The following DLC1 variants were observed in gnomAD, a reference collection of about 807,000 sequenced individuals.
The protein encoded by DLC1 is DLC1 Rho GTPase activating protein, also known as rho GTPase-activating protein 7.
A neutral mutation model predicts 140.3 loss-of-function variants in DLC1; 54 were observed. That is an observed-to-expected ratio of 0.38 (90% CI 0.31 to 0.48). The LOEUF is 0.48. DLC1 is among the 20% of genes least tolerant of loss of function. The pLI is 0.96. For missense variants in DLC1, 2,536 were observed against 1,907.0 expected (o/e 1.33, Z -6.14); for synonymous variants, 986 against 728.1 (o/e 1.35, Z -5.70).
At chr8:13,293,563 T>G (rs1437324837) in intron 5 of DLC1, among the ~76,000 whole-genome samples, 2 of 152,198 alleles carry the variant, frequency 1.3e-5, no homozygotes, top group Admixed American at 1.3e-4. Context: ...CTTGAGCACC[T>G]CCTCTGTGCA....
At chr8:13,420,904 G>A (rs1369118524) in intron 2 of DLC1, among the ~76,000 whole-genome samples, 2 of 152,090 alleles carry the variant, frequency 1.3e-5, no homozygotes, top group East Asian at 3.9e-4. Flanking sequence ...TAAGCCCCAT[G>A]TGGCAGAAAG....
chr8:13,513,461 A>G (rs1005117002), intron 1 of DLC1, among the ~76,000 whole-genome samples: 1 of 152,146 alleles, frequency 6.6e-6, no homozygotes, highest in African/African-American at 2.4e-5. Context: ...ACCTTGTACT[A>G]TATAAAAACT....
At chr8:13,562,650 G>C (rs898747750) in intron 1 of DLC1, among the ~76,000 whole-genome samples, 1 of 152,090 alleles carries the variant, frequency 6.6e-6, no homozygotes, top group Non-Finnish European at 1.5e-5. Flanking sequence ...CCTGTGGAGG[G>C]GGATTTGGAA....
At chr8:13,575,719 G>A (rs1327599478) in intron 1 of DLC1, among the ~76,000 whole-genome samples, 1 of 152,152 alleles carries the variant, frequency 6.6e-6, no homozygotes, top group African/African-American at 2.4e-5. Context: ...TCTCAGGCCT[G>A]TCACCTGAAA....
chr8:13,229,651 AAGAGAGAGAGAGAGAAG>A (rs1464070535), intron 5 of DLC1, among the ~76,000 whole-genome samples: 1 of 150,516 alleles, frequency 6.6e-6, no homozygotes, highest in Non-Finnish European at 1.5e-5. Context: ...GAGAGAGAGA[AAGAGAGAGAGAGAGAAG>A]AGAGAGAGAG....
chr8:13,535,265 T>C (rs1803239270), intron 1 of DLC1, among the ~76,000 whole-genome samples: 1 of 152,088 alleles, frequency 6.6e-6, no homozygotes, highest in South Asian at 2.1e-4. Context: ...GTGTGCTATT[T>C]TTCATAGGTT....
chr8:13,446,920 T>TA (rs1414910139), intron 2 of DLC1, among the ~76,000 whole-genome samples: 2 of 144,574 alleles, frequency 1.4e-5, no homozygotes, highest in African/African-American at 5.2e-5. Context: ...TCAGCCTGGG[T>TA]AACAAAAGTG....
intron 1 of DLC1, among the ~76,000 whole-genome samples, chr8:13,587,563 A>G (rs1805368688): frequency 6.8e-6 from 1 of 146,214 alleles, no homozygotes; most frequent in African/African-American, 2.5e-5. Context: ...ACACACACAC[A>G]CACACAGAGA....
chr8:13,086,496 G>T (rs193140829), intron 16 of DLC1, 33 bp from the exon 17 acceptor site: 2 of 1,600,458 alleles, frequency 1.2e-6, no homozygotes, highest in African/African-American at 2.7e-5. Context: ...AGAAATGATG[G>T]AATTTCATAG....
intron 5 of DLC1, among the ~76,000 whole-genome samples, chr8:13,282,578 C>T (rs1055416156): frequency 6.6e-6 from 1 of 152,066 alleles, no homozygotes; most frequent in African/African-American, 2.4e-5. Context: ...GTTAAAACTT[C>T]AGGGGGAAAT....
chr8:13,584,190 G>A (rs764501438), intron 1 of DLC1: 1 of 153,970 alleles, frequency 6.5e-6, no homozygotes, highest in East Asian at 1.9e-4. Context: ...CCTGTGGCTG[G>A]ATCTAGACAG....
chr8:13,362,982 A>G (rs532939058), intron 4 of DLC1, among the ~76,000 whole-genome samples: 1 of 152,100 alleles, frequency 6.6e-6, no homozygotes, highest in Non-Finnish European at 1.5e-5. Context: ...CTATTCCCTT[A>G]TCACAATGCG....
rs578241777 is a variant in DLC1, at chr8:13,094,652, C to A, written c.3526+107G>T. 10 of 1,334,534 alleles carry A rather than the reference C, an allele frequency of 7.5e-6. No homozygotes were observed. The African/African-American group carries it at 1.6e-4, about 22-fold the overall frequency. The allele number at this position is 1,334,534 out of a possible 1,614,324, so 82.7% of individuals were successfully genotyped here. Reference sequence around the variant, plus strand: ...CTGCACTCCAGCCTGGATGACAGAGCGAGACTCCATCTCAAAAAAAAAAAG... The same window carrying A: ...CTGCACTCCAGCCTGGATGACAGAGAGAGACTCCATCTCAAAAAAAAAAAG... On this transcript the variant is annotated intron_variant, in intron 12 of 17. Coordinates refer to ENST00000276297, the MANE Select transcript of DLC1 (RefSeq NM_182643.3).
chr8:13,486,670 G>A (rs1800982022), intron 2 of DLC1, among the ~76,000 whole-genome samples: 1 of 152,108 alleles, frequency 6.6e-6, no homozygotes, highest in Admixed American at 6.5e-5. Context: ...AACATTCCAT[G>A]AACCTATGAA....
At chr8:13,118,267 T>C (rs1217540075) in intron 5 of DLC1, among the ~76,000 whole-genome samples, 1 of 152,190 alleles carries the variant, frequency 6.6e-6, no homozygotes, top group Non-Finnish European at 1.5e-5. Flanking sequence ...ATAGTCACTC[T>C]TAGGGCCACT....
chr8:13,104,320 A>G (rs949178784), intron 7 of DLC1, among the ~76,000 whole-genome samples: 9 of 148,020 alleles, frequency 6.1e-5, no homozygotes, highest in African/African-American at 2.0e-4. Context: ...AAATTAGGGA[A>G]ATTTAGTTTC....
chr8:13,276,319 A>C (rs1831160610), intron 5 of DLC1: 2 of 1,535,402 alleles, frequency 1.3e-6, no homozygotes, highest in East Asian at 4.9e-5. Flanking sequence ...CTGGCCGTGG[A>C]GTCCCTGATG....
At chr8:13,125,351 C>T (rs566036050) in intron 5 of DLC1, among the ~76,000 whole-genome samples, 13 of 152,214 alleles carry the variant, frequency 8.5e-5, no homozygotes, top group Non-Finnish European at 1.5e-4. Flanking sequence ...CAACACAAAA[C>T]CAATGACGTT....
chr8:13,334,498 G>C (rs1833738880), intron 4 of DLC1, among the ~76,000 whole-genome samples: 1 of 152,164 alleles, frequency 6.6e-6, no homozygotes. Flanking sequence ...AGACTGCGCA[G>C]GCAGGGGAGA....
Sources: allele counts gnomAD v4.1 joint callset (sites outside exome capture counted in the v4.1 genomes callset), GRCh38; gene constraint gnomAD v4.1.1; transcripts MANE v1.5; gene names NCBI Gene and HGNC (gene_info 2026-07-23, HGNC 2026-07-21).